ELMOD1: variants seen among roughly 807,000 people sequenced by gnomAD.
ELMOD1 encodes ELMO domain containing 1.
In ELMOD1, 21 loss-of-function variants were observed where a neutral mutation model predicts 46.7. That is an observed-to-expected ratio of 0.45 (90% CI 0.32 to 0.65). The LOEUF (loss-of-function observed/expected upper bound fraction) is 0.65, where lower values mean the gene tolerates loss of function less well. Ranked by LOEUF, ELMOD1 falls within the 30% of genes least tolerant of loss-of-function variation. The pLI, the probability that ELMOD1 is intolerant of heterozygous loss-of-function variation, is 0.04. For synonymous variants in ELMOD1, 122 were observed against 138.2 expected (o/e 0.88, Z 0.82); for missense variants, 348 against 407.8 (o/e 0.85, Z 1.26).
At position 107,630,709 on chromosome 11, in the gene ELMOD1, T is replaced by C; in HGVS notation, c.173T>C (p.Leu58Pro). 6.2e-7 allele frequency: 1 copy of C among 1,608,054 alleles called. No homozygotes were observed. The highest frequency in any genetic ancestry group is 8.5e-7 in the Non-Finnish European group (1 of 1,177,188). The change falls in exon 4 of 12, where the codon CTG becomes CCG. Residue 58 changes from leucine to proline, a missense_variant. Physicochemically the swap from Leu to Pro is moderately conservative, Grantham distance 98. Coordinates refer to ENST00000265840, the MANE Select transcript of ELMOD1 (RefSeq NM_018712.4). ...ASRTMKIETS[L>P]RDSKSKLLQT... ...GTTGCTGCTTTCACAGAAACATCACTGAGGGATTCTAAAAGTAAGGTAAGT... is the reference window on the plus strand; with the variant it reads ...GTTGCTGCTTTCACAGAAACATCACCGAGGGATTCTAAAAGTAAGGTAAGT...
At chr11:107,652,270 G>A (rs1314159856) in intron 9 of ELMOD1, among the ~76,000 whole-genome samples, 1 of 152,172 alleles carries the variant, frequency 6.6e-6, no homozygotes, top group East Asian at 1.9e-4. Flanking sequence ...TGTGTACTAA[G>A]GAAAGCTCTT....
chr11:107,618,179 A>T lies in ELMOD1; in HGVS notation c.-11A>T. The T allele has an allele frequency of 6.4e-7, 1 of 1,566,936 alleles. No individual in the cohort carries two copies. Among genetic ancestry groups the T allele is most frequent in the Admixed American group, 1.9e-5 (1 of 53,090 alleles). On this transcript the variant is annotated 5_prime_UTR_variant, in exon 2 of 12. Coordinates refer to ENST00000265840, the MANE Select transcript of ELMOD1 (RefSeq NM_018712.4). ...AGTTCATATAGCATCTGGACAGTCA[A>T]CACGGGCACCATGAAGCACTTCCTG... is the stretch of plus-strand genomic sequence containing the variant.
At chr11:107,616,208 C>G (rs929058018) in intron 1 of ELMOD1, among the ~76,000 whole-genome samples, 20 of 151,990 alleles carry the variant, frequency 1.3e-4, no homozygotes, top group Non-Finnish European at 2.1e-4. Flanking sequence ...GTTGGCCAGG[C>G]TGGTCTCAAA....
chr11:107,642,899 TC>T, intron 6 of ELMOD1: 1 of 329,038 alleles, frequency 3.0e-6, no homozygotes, highest in South Asian at 3.2e-5. Flanking sequence ...TGCTACTTTC[TC>T]CAGAAACTGA....
intron 2 of ELMOD1, among the ~76,000 whole-genome samples, chr11:107,624,063 G>A (rs777989565): frequency 9.9e-5 from 15 of 151,908 alleles, no homozygotes; most frequent in Non-Finnish European, 2.2e-4. Context: ...ATTATATTAT[G>A]TAGCAAATTT....
intron 7 of ELMOD1, among the ~76,000 whole-genome samples, chr11:107,648,153 T>C (rs1351059177): frequency 6.6e-6 from 1 of 152,190 alleles, no homozygotes; most frequent in African/African-American, 2.4e-5. Context: ...TCTAAAATAC[T>C]TTTTACGGCT....
At chr11:107,648,997 G>T (rs1866480099) in intron 7 of ELMOD1, among the ~76,000 whole-genome samples, 1 of 152,000 alleles carries the variant, frequency 6.6e-6, no homozygotes. Context: ...GCCTTACTCA[G>T]TCATTTTGGT....
chr11:107,653,145 T>A (rs1408111450), intron 9 of ELMOD1, among the ~76,000 whole-genome samples: 1 of 152,120 alleles, frequency 6.6e-6, no homozygotes, highest in African/African-American at 2.4e-5. Context: ...CATATGACCT[T>A]AGTGTAAAAT....
At chr11:107,642,220 G>T (rs1866337442) in intron 6 of ELMOD1, among the ~76,000 whole-genome samples, 1 of 152,032 alleles carries the variant, frequency 6.6e-6, no homozygotes, top group Non-Finnish European at 1.5e-5. Context: ...GGGATTACAG[G>T]CCTGAGCCAC....
At chr11:107,638,235 G>A (rs1866263385) in intron 6 of ELMOD1, among the ~76,000 whole-genome samples, 1 of 152,136 alleles carries the variant, frequency 6.6e-6, no homozygotes. Context: ...ACTTAGGAGT[G>A]GGAATCTTTG....
At chr11:107,606,704 G>A (rs374630423) in intron 1 of ELMOD1, among the ~76,000 whole-genome samples, 12 of 151,986 alleles carry the variant, frequency 7.9e-5, no homozygotes, top group African/African-American at 1.2e-4. Context: ...GTGTGGTGGC[G>A]TGCGCCTGTA....
At chr11:107,635,800 A>T in intron 6 of ELMOD1, 35 bp downstream of exon 6, 1 of 1,587,774 alleles carries the variant, frequency 6.3e-7, no homozygotes. Context: ...TCTTCCTCTA[A>T]GTCAGCTGAC....
chr11:107,618,022 C>A, intron 1 of ELMOD1, 83 bp from the exon 2 acceptor site: 1 of 687,466 alleles, frequency 1.5e-6, no homozygotes, highest in Non-Finnish European at 2.6e-6. Flanking sequence ...ATGTTAACTG[C>A]TTGCCTCAGT....
chr11:107,637,185 C>G (rs1415005628), intron 6 of ELMOD1, among the ~76,000 whole-genome samples: 1 of 152,216 alleles, frequency 6.6e-6, no homozygotes, highest in Non-Finnish European at 1.5e-5. Flanking sequence ...ATCATTTAAA[C>G]TGTCAGCTAT....
In ELMOD1 at chr11:107,635,713, G is replaced by A. The variant is rs753463613; in HGVS notation, c.368G>A (p.Arg123His). 16 of 1,613,742 alleles carry A rather than the reference G, an allele frequency of 9.9e-6. No individual in the cohort carries two copies. The highest frequency in any genetic ancestry group is 4.5e-5 in the East Asian group (2 of 44,892). ...RNLIADVEKL[R>H]REAYDSDNPQ... is the part of the protein sequence containing the mutation. ...CTTATTGCAGATGTGGAAAAACTGC[G>A]TAGAGAGGCCTATGATTCTGATAAT... The change falls in exon 6 of 12, where the codon CGT becomes CAT. Residue 123 changes from arginine to histidine, a missense_variant. Coordinates refer to ENST00000265840, the MANE Select transcript of ELMOD1 (RefSeq NM_018712.4).
chr11:107,599,200 G>A (rs1865545175), intron 1 of ELMOD1, among the ~76,000 whole-genome samples: 1 of 152,158 alleles, frequency 6.6e-6, no homozygotes, highest in South Asian at 2.1e-4. Context: ...GTACAGAGAT[G>A]AAGTGTTGGG....
At chr11:107,607,644 G>A (rs927779062) in intron 1 of ELMOD1, among the ~76,000 whole-genome samples, 2 of 151,550 alleles carry the variant, frequency 1.3e-5, no homozygotes, top group African/African-American at 4.9e-5. Flanking sequence ...GCGCCAGAGT[G>A]AGAACCTGTC....
intron 11 of ELMOD1, among the ~76,000 whole-genome samples, chr11:107,663,749 C>T (rs1263231546): frequency 6.6e-6 from 1 of 152,038 alleles, no homozygotes; most frequent in Non-Finnish European, 1.5e-5. Flanking sequence ...GAGCATTTTT[C>T]CATACATAGC....
intron 1 of ELMOD1, among the ~76,000 whole-genome samples, chr11:107,603,336 C>T (rs541926544): frequency 2.0e-5 from 3 of 152,318 alleles, no homozygotes; most frequent in South Asian, 2.1e-4. Context: ...CTCAGGAGTT[C>T]GAGACTAGCC....
Sources: allele counts gnomAD v4.1 joint callset (sites outside exome capture counted in the v4.1 genomes callset), GRCh38; gene constraint gnomAD v4.1.1; transcripts MANE v1.5; gene names NCBI Gene and HGNC (gene_info 2026-07-23, HGNC 2026-07-21).